The following ASCC2 variants were observed in gnomAD, a reference collection of about 807,000 sequenced individuals.
ASCC2 encodes the protein ASC-1 complex subunit P100.
In ASCC2, 42 loss-of-function variants were observed where a neutral mutation model predicts 93.5. That is an observed-to-expected ratio of 0.45 (90% CI 0.35 to 0.58). ASCC2 has a LOEUF of 0.58. ASCC2 is among the 20% of genes least tolerant of loss of function. The pLI is 0.00. For missense variants in ASCC2, 859 were observed against 977.6 expected, an observed-to-expected ratio of 0.88 and a Z score of 1.62; for synonymous variants, 364 against 384.2, an observed-to-expected ratio of 0.95 and a Z score of 0.62.
chr22:29,806,397 G>C lies in ASCC2; in HGVS notation c.1085+88C>G, dbSNP rs186116709. 3.2e-4 allele frequency: 501 copies of C among 1,565,662 alleles called. 3 individuals are homozygous for C. In the African/African-American group the frequency reaches 5.8e-3, roughly 18 times the overall value. On this transcript the variant is annotated intron_variant, in intron 11 of 19. Coordinates refer to ENST00000307790, the MANE Select transcript of ASCC2 (RefSeq NM_032204.5). ...TGCAGCCCGACCTTATTAGAGCTGT[G>C]GTGGGCCTATAGCGGGGGTCTATCA...
chr22:29,828,761 T>C (rs1447584124), intron 2 of ASCC2, among the ~76,000 whole-genome samples: 2 of 152,136 alleles, frequency 1.3e-5, no homozygotes, highest in African/African-American at 4.8e-5. Context: ...GAGGAAGGCA[T>C]GGATTGCAGA....
At chr22:29,797,802 G>A (rs1043626248) in intron 15 of ASCC2, among the ~76,000 whole-genome samples, 1 of 152,186 alleles carries the variant, frequency 6.6e-6, no homozygotes, top group Non-Finnish European at 1.5e-5. Context: ...TTTCACTCTT[G>A]TTGCCCAGGA....
At chr22:29,819,799 T>C (rs1420067657) in intron 5 of ASCC2, among the ~76,000 whole-genome samples, 7 of 152,210 alleles carry the variant, frequency 4.6e-5, no homozygotes, top group South Asian at 2.1e-4. Context: ...TTTCTCTAAC[T>C]GTACCTTCTG....
At chr22:29,808,508 T>C (rs2059934882) in intron 8 of ASCC2, among the ~76,000 whole-genome samples, 1 of 152,232 alleles carries the variant, frequency 6.6e-6, no homozygotes, top group Admixed American at 6.5e-5. Flanking sequence ...GATTACTTGC[T>C]TGTAATTTTC....
Position 29,825,245 on chromosome 22 carries a change from C to T in ASCC2, c.253G>A (p.Glu85Lys), listed in dbSNP as rs761626549. 1.6e-5 allele frequency: 24 copies of T among 1,517,012 alleles called. No homozygotes were observed. Among genetic ancestry groups the T allele is most frequent in the Non-Finnish European group, 2.1e-5 (24 of 1,133,716 alleles). 94.0% of individuals were successfully genotyped at this position (1,517,012 alleles called of 1,614,324 possible). A position where few individuals can be genotyped will look rare whatever the true frequency, so the allele number is the denominator to read the frequency against. ...GAGTCCAGGCACTTCTGTAGAGTCT[C>T]GTCAAAGATCACCTAAACCAGGAGA... The part of the protein sequence containing the change: ...DKFWCQVIFD[E>K]TLQKCLDSYL... Residue 85 changes from glutamate (E) to lysine (K), a missense_variant, in exon 4 of 20, where the codon GAG (glutamate) becomes AAG (lysine). By Grantham distance (56) the Glu-to-Lys change is moderately conservative. Coordinates refer to ENST00000307790, the MANE Select transcript of ASCC2 (RefSeq NM_032204.5). This position sits in a 1 kb window ranked among gnomAD's most constrained non-coding sequence, Gnocchi z 4.9.
intron 1 of ASCC2, chr22:29,832,565 A>C: frequency 2.6e-6 from 1 of 389,442 alleles, no homozygotes; most frequent in Non-Finnish European, 4.6e-6. Context: ...TCCCCAGATG[A>C]CTTCTGATAT....
In ASCC2 at chr22:29,806,540, G is replaced by C. The variant is rs2059694877; in HGVS notation, c.1030C>G (p.Gln344Glu). 2.5e-6 allele frequency: 4 copies of C among 1,613,542 alleles called. No individual in the cohort carries two copies. The highest frequency in any genetic ancestry group is 3.4e-6 in the Non-Finnish European group (4 of 1,179,782). The change falls in exon 11 of 20, where the codon CAG (glutamine) becomes GAG (glutamate). Residue 344 changes from glutamine (Q) to glutamate (E), a missense_variant. Physicochemically the swap from Gln to Glu is conservative, Grantham distance 29. Coordinates refer to ENST00000307790, the MANE Select transcript of ASCC2 (RefSeq NM_032204.5). ...TGAAGGAACTCTTCGATGAAGCCCT[G>C]AATGTTGTCACAGCTAGAACAAGAC... is the stretch of plus-strand genomic sequence containing the variant. The part of the protein sequence containing the change: ...PILESSCDNI[Q>E]GFIEEFLQIF...
intron 5 of ASCC2, among the ~76,000 whole-genome samples, chr22:29,821,041 T>A (rs1301519184): frequency 6.6e-6 from 1 of 152,122 alleles, no homozygotes; most frequent in Non-Finnish European, 1.5e-5. Context: ...GGCAAGGGCG[T>A]CCAGGGTGAG....
chr22:29,820,338 A>G (rs1183606116), intron 5 of ASCC2, among the ~76,000 whole-genome samples: 1 of 151,726 alleles, frequency 6.6e-6, no homozygotes, highest in East Asian at 2.0e-4. Flanking sequence ...AATTTTTTGT[A>G]TTTTTAGTAG....
chr22:29,825,090 G>A lies in ASCC2; in HGVS notation c.408C>T (p.Ser136=). ...TFLRMSTHKE[S]KDHFISPSAF... ...TGTCATGGGATCAGTGGCTTACTTT[G>A]GATTCCTTGTGAGTGGACATGCGGA... The change falls in exon 4 of 20, where the codon TCC becomes TCT. Residue 136 remains serine, a synonymous_variant. Coordinates refer to ENST00000307790, the MANE Select transcript of ASCC2 (RefSeq NM_032204.5). The surrounding 1 kb of genome is among the most constrained non-coding windows in gnomAD (Gnocchi z 4.9). 3.4e-6 allele frequency: 5 copies of A among 1,481,678 alleles called. No homozygotes were observed. The highest frequency in any genetic ancestry group is 4.5e-6 in the Non-Finnish European group (5 of 1,111,246). 91.8% of individuals were successfully genotyped at this position (1,481,678 alleles called of 1,614,324 possible). A position where few individuals can be genotyped will look rare whatever the true frequency, so the allele number is the denominator to read the frequency against.
At chr22:29,790,344 G>C in intron 19 of ASCC2, 125 bp downstream of exon 19, 1 of 909,516 alleles carries the variant, frequency 1.1e-6, no homozygotes, top group South Asian at 1.6e-5. Context: ...ACTTCACTGG[G>C]TTGTCGTGAG....
In ASCC2 at chr22:29,793,685, G is replaced by A. The variant is rs1362998856; in HGVS notation, c.1689-9C>T. Reference sequence around the variant, plus strand: ...TTTCCTCCTTCCTGGTGCTGAGAAGGAACAGCAGAAAGAGAGGAAGGAAAA... The same window carrying A: ...TTTCCTCCTTCCTGGTGCTGAGAAGAAACAGCAGAAAGAGAGGAAGGAAAA... On this transcript the variant is annotated splice_polypyrimidine_tract_variant and intron_variant, in intron 15 of 19. Coordinates refer to ENST00000307790, the MANE Select transcript of ASCC2 (RefSeq NM_032204.5). 6.4e-7 allele frequency: 1 copy of A among 1,551,380 alleles called. No homozygotes were observed. Among genetic ancestry groups the A allele is most frequent in the East Asian group, 2.4e-5 (1 of 41,182 alleles).
At chr22:29,830,127 T>C (rs2062943497) in intron 2 of ASCC2, among the ~76,000 whole-genome samples, 1 of 152,138 alleles carries the variant, frequency 6.6e-6, no homozygotes, top group Non-Finnish European at 1.5e-5. Flanking sequence ...AGTGCTGCTG[T>C]TGTTGTCCCT....
chr22:29,818,513 T>C (rs1481166098), intron 5 of ASCC2, among the ~76,000 whole-genome samples: 1 of 150,510 alleles, frequency 6.6e-6, no homozygotes, highest in Non-Finnish European at 1.5e-5. Flanking sequence ...CCTGACTTCT[T>C]TTGTGCTGAC....
At chr22:29,836,115 C>T (rs562764159) in intron 1 of ASCC2, among the ~76,000 whole-genome samples, 9 of 152,122 alleles carry the variant, frequency 5.9e-5, no homozygotes, top group African/African-American at 2.2e-4. Context: ...AGCCATGATA[C>T]GTCACTGAAC....
intron 15 of ASCC2, among the ~76,000 whole-genome samples, chr22:29,796,955 T>C (rs1165385361): frequency 4.6e-5 from 7 of 152,188 alleles, no homozygotes. Flanking sequence ...TGTGGCTCCC[T>C]GGCAGGGCCA....
chr22:29,813,443 C>G lies in ASCC2; in HGVS notation c.820G>C (p.Asp274His). 1.2e-6 allele frequency: 2 copies of G among 1,611,160 alleles called. No homozygotes were observed. Among genetic ancestry groups the G allele is most frequent in the Non-Finnish European group, 1.7e-6 (2 of 1,177,286 alleles). The change falls in exon 8 of 20, where the codon GAC (aspartate) becomes CAC (histidine). Residue 274 changes from aspartate to histidine, a missense_variant. By Grantham distance (81) the Asp-to-His change is moderately conservative. Coordinates refer to ENST00000307790, the MANE Select transcript of ASCC2 (RefSeq NM_032204.5). ...PLACQTFQKH[D>H]FCYRLASFYE... ...CTACCGCCTTACCTGTAACAAAAGT[C>G]GTGCTTCTGGAAGGTCTGGCAAGCC...
chr22:29,836,799 C>T (rs1335165038), intron 1 of ASCC2, among the ~76,000 whole-genome samples: 2 of 152,166 alleles, frequency 1.3e-5, no homozygotes, highest in Admixed American at 6.5e-5. Context: ...GTGATCCGCC[C>T]GCCTTGGCTT....
chr22:29,806,382 C>A, intron 11 of ASCC2, 92 bp from the exon 12 acceptor site: 3 of 1,571,752 alleles, frequency 1.9e-6, no homozygotes, highest in Non-Finnish European at 2.6e-6. Flanking sequence ...TGCAGCCCGA[C>A]CTTATTAGAG....
Sources: gnomAD v4.1 joint callset for allele counts (sites outside exome capture counted in the v4.1 genomes callset) on GRCh38, gnomAD v4.1.1 for gene constraint, Gnocchi (gnomAD v3.1) non-coding constraint, MANE v1.5 for transcripts, NCBI Gene and HGNC (gene_info 2026-07-23, HGNC 2026-07-21) for gene names.